Variants in UBR1 observed in about 807,000 individuals in gnomAD.
UBR1 encodes the protein ubiquitin protein ligase E3 component n-recognin 1.
A neutral mutation model predicts 242.1 loss-of-function variants in UBR1; 102 were observed. The ratio of observed to expected loss-of-function variants is 0.42; its 90% confidence interval spans 0.36 to 0.50. The LOEUF is 0.50. UBR1 is among the 20% of genes least tolerant of loss of function. The pLI is 0.01. For missense variants in UBR1, 1,772 were observed against 2,101.8 expected (o/e 0.84, Z 3.07); for synonymous variants, 675 against 684.8 (o/e 0.99, Z 0.22).
intron 13 of UBR1, among the ~76,000 whole-genome samples, chr15:43,047,933 G>A (rs768509268): frequency 1.6e-4 from 25 of 152,218 alleles, no homozygotes; most frequent in African/African-American, 5.1e-4. Context: ...ACAGTAGGCC[G>A]GGCATGGCAG....
At chr15:43,012,216 G>C (rs1265311481) in intron 29 of UBR1, among the ~76,000 whole-genome samples, 2 of 146,076 alleles carry the variant, frequency 1.4e-5, no homozygotes, top group African/African-American at 2.5e-5. Flanking sequence ...GACAGAGTGA[G>C]ATTCCGTCTC....
chr15:43,026,687 T>A, intron 22 of UBR1, 24 bp from the exon 23 acceptor site: 3 of 1,560,784 alleles, frequency 1.9e-6, no homozygotes. Flanking sequence ...AAATACAAGA[T>A]GAACTGCAGT....
Position 42,943,516 on chromosome 15 carries a change from T to C in UBR1, c.*1813A>G, listed in dbSNP as rs1381371631. The C allele has an allele frequency of 1.3e-5, 2 of 152,552 alleles. No individual in the cohort carries two copies. The highest frequency in any genetic ancestry group is 2.9e-5 in the Non-Finnish European group (2 of 68,024). 9.4% of individuals were successfully genotyped at this position (152,552 alleles called of 1,614,324 possible). A position where few individuals can be genotyped will look rare whatever the true frequency, so the allele number is the denominator to read the frequency against. On this transcript the variant is annotated 3_prime_UTR_variant, in exon 47 of 47. Transcript: ENST00000290650. ...TTGGCAGTAAAGGTCTGGCTGGCCA[T>C]TGCCAGACAGTCCCTCTGTCCTCTT... is the stretch of plus-strand genomic sequence containing the variant.
intron 3 of UBR1, among the ~76,000 whole-genome samples, chr15:43,076,270 G>C (rs977821218): frequency 6.6e-6 from 1 of 151,968 alleles, no homozygotes; most frequent in Non-Finnish European, 1.5e-5. Flanking sequence ...ACGGAGTCTC[G>C]TTCACTCAGT....
At chr15:43,050,170 A>G (rs1596119369) in intron 12 of UBR1, among the ~76,000 whole-genome samples, 2 of 151,996 alleles carry the variant, frequency 1.3e-5, no homozygotes, top group Non-Finnish European at 1.5e-5. Flanking sequence ...GCTGGTTGCA[A>G]CCTCCTGGCC....
At chr15:43,059,321 T>C in intron 8 of UBR1, 129 bp from the exon 9 acceptor site, 1 of 782,074 alleles carries the variant, frequency 1.3e-6, no homozygotes, top group South Asian at 1.5e-5. Flanking sequence ...CACCTCAGCC[T>C]CTCACAGTGC....
chr15:42,992,064 A>G (rs998103707), intron 33 of UBR1, among the ~76,000 whole-genome samples: 2 of 152,092 alleles, frequency 1.3e-5, no homozygotes, highest in Admixed American at 6.6e-5. Context: ...CTAGTTTACT[A>G]TTGAGCACAT....
chr15:42,996,583 CAAACAAACAAAA>C (rs2032642821), intron 33 of UBR1, among the ~76,000 whole-genome samples: 1 of 151,884 alleles, frequency 6.6e-6, no homozygotes, highest in Non-Finnish European at 1.5e-5. Context: ...CCTGTCTAAA[CAAACAAACAAAA>C]AAACAACAAA....
At chr15:42,974,750 A>T (rs2032262040) in intron 39 of UBR1, among the ~76,000 whole-genome samples, 1 of 152,110 alleles carries the variant, frequency 6.6e-6, no homozygotes. Flanking sequence ...CTGGGACTAT[A>T]GGCATGTGCC....
At chr15:43,076,269 C>G (rs1469592586) in intron 3 of UBR1, among the ~76,000 whole-genome samples, 2 of 152,034 alleles carry the variant, frequency 1.3e-5, no homozygotes, top group Admixed American at 6.5e-5. Context: ...GACGGAGTCT[C>G]GTTCACTCAG....
intron 41 of UBR1, among the ~76,000 whole-genome samples, chr15:42,964,986 A>G (rs1232612400): frequency 6.6e-6 from 1 of 152,170 alleles, no homozygotes; most frequent in East Asian, 1.9e-4. Flanking sequence ...GTATTTCTCT[A>G]TTTGTTTATA....
At chr15:43,014,569 C>T (rs1177091941) in intron 29 of UBR1, among the ~76,000 whole-genome samples, 3 of 151,268 alleles carry the variant, frequency 2.0e-5, no homozygotes, top group East Asian at 2.0e-4. Flanking sequence ...TGCCCGGCCG[C>T]GACCCCGTCT....
At chr15:43,020,189 C>T (rs1045178486) in intron 27 of UBR1, among the ~76,000 whole-genome samples, 1 of 151,866 alleles carries the variant, frequency 6.6e-6, no homozygotes, top group African/African-American at 2.4e-5. Flanking sequence ...ACAGGTGTGC[C>T]CCACCATGCC....
At chr15:42,971,009 C>A (rs1419961050) in intron 39 of UBR1, among the ~76,000 whole-genome samples, 3 of 152,196 alleles carry the variant, frequency 2.0e-5, no homozygotes, top group African/African-American at 4.8e-5. Flanking sequence ...GCCACCATGC[C>A]CAGCCCCACC....
At position 43,026,801 on chromosome 15, in the gene UBR1, A is replaced by G. The variant is rs981888613; in HGVS notation, c.2433-138T>C. ...TCTCATTTAGCTTATGAAAAATTCC[A>G]TTGCAATAATAAAACTAAAAACCTA... On this transcript the variant is annotated intron_variant, in intron 22 of 46. Coordinates refer to ENST00000290650, the MANE Select transcript of UBR1 (RefSeq NM_174916.3). 21 of 697,946 alleles carry G rather than the reference A, an allele frequency of 3.0e-5. No homozygotes were observed. The African/African-American group carries it at 3.1e-4, about 10-fold the overall frequency. The allele number at this position is 697,946 out of a possible 1,614,324, so 43.2% of individuals were successfully genotyped here. A position where few individuals can be genotyped will look rare whatever the true frequency, so the allele number is the denominator to read the frequency against.
chr15:43,075,165 TAATA>T (rs1235595844), intron 3 of UBR1, 76 bp from the exon 4 acceptor site: 1 of 1,115,284 alleles, frequency 9.0e-7, no homozygotes, highest in Non-Finnish European at 1.4e-6. Context: ...ATGACTCAAA[TAATA>T]AATGCTCACC....
intron 17 of UBR1, among the ~76,000 whole-genome samples, chr15:43,036,922 CTTTTTTT>C (rs199620473): frequency 7.1e-6 from 1 of 141,210 alleles, no homozygotes; most frequent in African/African-American, 2.6e-5. Context: ...CCATTTTTTT[CTTTTTTT>C]TTTTTTAATT....
chr15:42,995,095 C>T (rs569001201), intron 33 of UBR1, among the ~76,000 whole-genome samples: 17 of 152,146 alleles, frequency 1.1e-4, no homozygotes, highest in Non-Finnish European at 1.8e-4. Context: ...CTTCTTTAGA[C>T]GGTCACAGAG....
chr15:43,005,951 G>A (rs1307302525), intron 30 of UBR1, among the ~76,000 whole-genome samples: 2 of 149,446 alleles, frequency 1.3e-5, no homozygotes, highest in Non-Finnish European at 3.0e-5. Context: ...CAAACACTGC[G>A]GAAGGCCGCA....
Sources: gnomAD v4.1 joint callset for allele counts (sites outside exome capture counted in the v4.1 genomes callset) on GRCh38, gnomAD v4.1.1 for gene constraint, MANE v1.5 for transcripts, NCBI Gene and HGNC (gene_info 2026-07-23, HGNC 2026-07-21) for gene names.